The following SLC25A28 variants were observed in gnomAD, a reference collection of about 807,000 sequenced individuals.
SLC25A28 encodes the protein mitoferrin-2.
Under a neutral mutation model 31.9 loss-of-function variants are expected in SLC25A28, and 10 were observed. The observed-to-expected ratio is 0.31, with a 90% CI of 0.19 to 0.53. SLC25A28 has a LOEUF of 0.53. Ranked by LOEUF, SLC25A28 falls within the 20% of genes least tolerant of loss-of-function variation. The pLI, the probability that SLC25A28 is intolerant of heterozygous loss-of-function variation, is 0.95. For missense variants in SLC25A28, 256 were observed against 490.3 expected (o/e 0.52, Z 4.51); for synonymous variants, 208 against 203.6 (o/e 1.02, Z -0.19).
At chr10:99,626,324 A>G in the SLC25A28 span, among the ~76,000 whole-genome samples, 4 of 152,238 alleles carry the variant, frequency 2.6e-5, no homozygotes, top group African/African-American at 9.6e-5. Context: ...TGAAAGGATC[A>G]GGAGATATCA....
At chr10:99,645,024 T>G in the SLC25A28 span, among the ~76,000 whole-genome samples, 68 of 152,308 alleles carry the variant, frequency 4.5e-4, no homozygotes, top group Admixed American at 1.2e-3. Context: ...ATCTGACAAT[T>G]ATGTGTCTTG....
the SLC25A28 span, among the ~76,000 whole-genome samples, chr10:99,649,845 T>C: frequency 1.3e-5 from 2 of 152,216 alleles, no homozygotes; most frequent in African/African-American, 4.8e-5. Context: ...GGATCCCTTC[T>C]TTCTTGATCT....
the SLC25A28 span, among the ~76,000 whole-genome samples, chr10:99,655,781 C>A: frequency 2.0e-5 from 3 of 152,208 alleles, no homozygotes; most frequent in South Asian, 6.2e-4. Context: ...GGTATGGGCC[C>A]ACCATGATTG....
Position 99,611,254 on chromosome 10 carries a change from G to T in SLC25A28, c.690C>A (p.Thr230=), listed in dbSNP as rs113359912. ...GGAAAGGAACGTTCATGGTCAGCTG[G>T]GTGGTGTAGCTGCGGTAAAAGGCCC... ...GAGAFYRSYT[T]QLTMNVPFQA... Residue 230 remains threonine (T), a synonymous_variant, in exon 4 of 4, where the codon ACC becomes ACA. Coordinates refer to ENST00000370495, the MANE Select transcript of SLC25A28 (RefSeq NM_031212.4). The surrounding 1 kb of genome is among the most constrained non-coding windows in gnomAD (Gnocchi z 5.5). 499 of 1,614,120 alleles carry T rather than the reference G, an allele frequency of 3.1e-4. 3 individuals are homozygous for T. In the African/African-American group the frequency reaches 5.4e-3, roughly 18 times the overall value.
the SLC25A28 span, among the ~76,000 whole-genome samples, chr10:99,655,581 A>G: frequency 2.2e-4 from 33 of 152,282 alleles, no homozygotes; most frequent in East Asian, 6.2e-3. Context: ...AAAAGTTTTC[A>G]TTGACTTATA....
chr10:99,634,404 A>C, the SLC25A28 span, among the ~76,000 whole-genome samples: 1 of 144,120 alleles, frequency 6.9e-6, no homozygotes, highest in East Asian at 2.0e-4. Flanking sequence ...AAAATGATAC[A>C]AGAAGTAAAG....
At chr10:99,636,676 A>C in the SLC25A28 span, among the ~76,000 whole-genome samples, 1 of 152,248 alleles carries the variant, frequency 6.6e-6, no homozygotes, top group Non-Finnish European at 1.5e-5. Context: ...TATGCACATA[A>C]ACTAGAAAAT....
At chr10:99,655,148 T>G in the SLC25A28 span, among the ~76,000 whole-genome samples, 2 of 152,214 alleles carry the variant, frequency 1.3e-5, no homozygotes, top group Non-Finnish European at 2.9e-5. Flanking sequence ...TTTAAAATGT[T>G]GGGATTAAAA....
the SLC25A28 span, among the ~76,000 whole-genome samples, chr10:99,640,908 T>C: frequency 7.2e-5 from 11 of 152,212 alleles, no homozygotes; most frequent in East Asian, 1.9e-3. Context: ...TCATTTTTTA[T>C]GGCTGCATAG....
chr10:99,619,396 C>T (rs575841601), intron 1 of SLC25A28: 14 of 985,414 alleles, frequency 1.4e-5, no homozygotes, highest in Middle Eastern at 5.2e-4. Context: ...GCTCAATTTT[C>T]ATGTTCAGGA....
chr10:99,616,459 T>C, intron 1 of SLC25A28: 1 of 981,880 alleles, frequency 1.0e-6, no homozygotes, highest in South Asian at 4.7e-5. Context: ...AATGATTCTA[T>C]ATTTGTTCAT....
chr10:99,645,485 C>T, the SLC25A28 span, among the ~76,000 whole-genome samples: 4 of 152,276 alleles, frequency 2.6e-5, no homozygotes, highest in East Asian at 1.9e-4. Context: ...GGCTACTTTG[C>T]GGTGGGTTCG....
At position 99,620,220 on chromosome 10, in the gene SLC25A28, C is replaced by A. The variant is rs1247455356; in HGVS notation, c.116G>T (p.Arg39Leu). The change falls in exon 1 of 4, where the codon CGG (arginine) becomes CTG (leucine). Residue 39 changes from arginine (R) to leucine (L), a missense_variant. Around this residue, in one of 4 missense-constraint regions of SLC25A28, gnomAD observed 10 missense variants for 28.2 expected, o/e 0.35. Coordinates refer to ENST00000370495, the MANE Select transcript of SLC25A28 (RefSeq NM_031212.4). ...CCCGGCCTCCCCGCCGCCGGCCCCCCGGCCCACGCCCCGCTGCAGCCACCC... is the reference window on the plus strand; with the variant it reads ...CCCGGCCTCCCCGCCGCCGGCCCCCAGGCCCACGCCCCGCTGCAGCCACCC... ...LDGWLQRGVG[R>L]GAGGGEAGAC... 5.7e-6 allele frequency: 8 copies of A among 1,393,898 alleles called. No homozygotes were observed. The East Asian group carries it at 1.8e-4, about 32-fold the overall frequency. 86.3% of individuals were successfully genotyped at this position (1,393,898 alleles called of 1,614,324 possible).
chr10:99,626,704 C>A, the SLC25A28 span, among the ~76,000 whole-genome samples: 1 of 151,970 alleles, frequency 6.6e-6, no homozygotes, highest in Non-Finnish European at 1.5e-5. Flanking sequence ...CTGTTAAGGG[C>A]AAAACATGGC....
the SLC25A28 span, among the ~76,000 whole-genome samples, chr10:99,640,495 T>C: frequency 6.6e-6 from 1 of 152,226 alleles, no homozygotes; most frequent in African/African-American, 2.4e-5. Flanking sequence ...TACTATCTCA[T>C]TGTGGTTTTA....
chr10:99,636,365 C>T, the SLC25A28 span, among the ~76,000 whole-genome samples: 4,824 of 152,232 alleles, frequency 0.032, 236 homozygotes, highest in African/African-American at 0.11. Flanking sequence ...AACCTGCTCC[C>T]GAATGAGCAT....
At chr10:99,640,900 A>AT in the SLC25A28 span, among the ~76,000 whole-genome samples, 1 of 152,024 alleles carries the variant, frequency 6.6e-6, no homozygotes, top group Non-Finnish European at 1.5e-5. Flanking sequence ...TGAATTCATC[A>AT]TTTTTTATGG....
chr10:99,639,334 G>C, the SLC25A28 span, among the ~76,000 whole-genome samples: 1 of 149,566 alleles, frequency 6.7e-6, no homozygotes, highest in Non-Finnish European at 1.5e-5. Flanking sequence ...GGGACTTGGG[G>C]ATGAGGGTGG....
In SLC25A28 at chr10:99,611,440, C is replaced by T. The variant is rs2034522309; in HGVS notation, c.578-74G>A. Reference sequence around the variant, plus strand: ...TGATGGAGAGTATCCAGATTCAGAGCCCCAAGTCAGCAGATCAGCCAATGG... The same window carrying T: ...TGATGGAGAGTATCCAGATTCAGAGTCCCAAGTCAGCAGATCAGCCAATGG... On this transcript the variant is annotated intron_variant, in intron 3 of 3. Transcript: ENST00000370495. The surrounding 1 kb of genome is among the most constrained non-coding windows in gnomAD (Gnocchi z 5.5). 9 of 1,554,060 alleles carry T rather than the reference C, an allele frequency of 5.8e-6. No homozygotes were observed. The highest frequency in any genetic ancestry group is 7.9e-6 in the Non-Finnish European group (9 of 1,144,732).
Sources: allele counts gnomAD v4.1 joint callset (sites outside exome capture counted in the v4.1 genomes callset), GRCh38; gene constraint gnomAD v4.1.1; regional missense constraint gnomAD v4.1.1; non-coding constraint Gnocchi (gnomAD v3.1); transcripts MANE v1.5; gene names NCBI Gene and HGNC (gene_info 2026-07-23, HGNC 2026-07-21).